The following SETBP1 variants were observed in gnomAD, a reference collection of about 807,000 sequenced individuals.
The protein encoded by SETBP1 is SET-binding protein.
A neutral mutation model predicts 101.0 loss-of-function variants in SETBP1; 9 were observed. The observed-to-expected ratio is 0.09, with a 90% CI of 0.05 to 0.16. The LOEUF (loss-of-function observed/expected upper bound fraction) is 0.16. Ranked by LOEUF, SETBP1 falls within the 10% of genes least tolerant of loss-of-function variation. The probability of loss-of-function intolerance (pLI) is 1.00; values close to 1 mark genes in which losing one functional copy is unlikely to be tolerated. For synonymous variants in SETBP1, 818 were observed against 788.5 expected (o/e 1.04, Z -0.63); for missense variants, 1,858 against 2,033.8 (o/e 0.91, Z 1.66).
intron 3 of SETBP1, among the ~76,000 whole-genome samples, chr18:44,908,080 AG>A (rs1171509864): frequency 1.4e-5 from 2 of 147,378 alleles, no homozygotes; most frequent in Non-Finnish European, 3.0e-5. Context: ...TTTTTTTTTG[AG>A]ACAGAGTCTT....
intron 2 of SETBP1, among the ~76,000 whole-genome samples, chr18:44,842,630 C>T (rs1245777593): frequency 1.3e-5 from 2 of 152,178 alleles, no homozygotes; most frequent in Admixed American, 1.3e-4. Flanking sequence ...GCATGGTCTA[C>T]AGATTCGCAA....
chr18:44,711,687 A>G (rs370202039), intron 2 of SETBP1, among the ~76,000 whole-genome samples: 3 of 144,948 alleles, frequency 2.1e-5, no homozygotes, highest in African/African-American at 5.2e-5. Flanking sequence ...CACCACATCT[A>G]GCTGATTTAT....
chr18:44,829,019 T>C (rs549919919), intron 2 of SETBP1, among the ~76,000 whole-genome samples: 6 of 152,364 alleles, frequency 3.9e-5, no homozygotes, highest in Non-Finnish European at 7.3e-5. Flanking sequence ...AAGTAGCTCA[T>C]GCTAAGACAA....
At chr18:44,704,197 T>TGTAC (rs1220726419) in intron 2 of SETBP1, among the ~76,000 whole-genome samples, 1 of 152,216 alleles carries the variant, frequency 6.6e-6, no homozygotes, top group Non-Finnish European at 1.5e-5. Context: ...CGGGATGATT[T>TGTAC]CAAAGCTGAA....
chr18:45,008,448 G>A (rs2145365563), intron 4 of SETBP1, among the ~76,000 whole-genome samples: 1 of 152,270 alleles, frequency 6.6e-6, no homozygotes, highest in East Asian at 1.9e-4. Flanking sequence ...CCAAGAATAA[G>A]GGCCCAGGGT....
chr18:45,032,997 A>T (rs2073327697), intron 4 of SETBP1, among the ~76,000 whole-genome samples: 2 of 152,156 alleles, frequency 1.3e-5, no homozygotes, highest in Admixed American at 6.6e-5. Flanking sequence ...TAAAAATAAA[A>T]TTTTTATTGA....
chr18:44,923,108 T>C (rs951873329), intron 3 of SETBP1, among the ~76,000 whole-genome samples: 2 of 152,200 alleles, frequency 1.3e-5, no homozygotes, highest in Admixed American at 1.3e-4. Context: ...ATCTCTAGAA[T>C]AGCAGTACTG....
intron 2 of SETBP1, among the ~76,000 whole-genome samples, chr18:44,705,939 T>A (rs1449139602): frequency 6.6e-6 from 1 of 152,152 alleles, no homozygotes; most frequent in Non-Finnish European, 1.5e-5. Context: ...CTAACCAGGA[T>A]AGAAGTCTCT....
chr18:44,843,297 T>A (rs1377098341), intron 2 of SETBP1, among the ~76,000 whole-genome samples: 1 of 152,192 alleles, frequency 6.6e-6, no homozygotes, highest in East Asian at 1.9e-4. Flanking sequence ...ACTCAGTGTT[T>A]TACCAAAATT....
At chr18:44,865,240 G>A (rs1227244253) in intron 2 of SETBP1, among the ~76,000 whole-genome samples, 1 of 152,174 alleles carries the variant, frequency 6.6e-6, no homozygotes, top group Admixed American at 6.5e-5. Flanking sequence ...ACTTAGTCTG[G>A]AGTTTTAAGG....
chr18:44,865,877 C>T (rs551446922), intron 2 of SETBP1, among the ~76,000 whole-genome samples: 11 of 152,288 alleles, frequency 7.2e-5, no homozygotes, highest in African/African-American at 2.6e-4. Context: ...CAGATAACAC[C>T]TTCAATGCAT....
intron 2 of SETBP1, among the ~76,000 whole-genome samples, chr18:44,842,725 G>GGAAGCT (rs1161797281): frequency 2.0e-5 from 3 of 152,242 alleles, no homozygotes; most frequent in Non-Finnish European, 4.4e-5. Flanking sequence ...GTGTGTGGGA[G>GGAAGCT]GAAGCTGAAA....
chr18:45,020,293 A>AAAAAAAAAAAAAG (rs1568032212), intron 4 of SETBP1, among the ~76,000 whole-genome samples: 14 of 133,984 alleles, frequency 1.0e-4, no homozygotes, highest in African/African-American at 3.8e-4. Flanking sequence ...AAAAAAAAAA[A>AAAAAAAAAAAAAG]AAGTGGCTTC....
intron 3 of SETBP1, among the ~76,000 whole-genome samples, chr18:44,926,070 A>G (rs1465838753): frequency 2.0e-5 from 3 of 152,124 alleles, no homozygotes; most frequent in Non-Finnish European, 4.4e-5. Context: ...CATTTTATTT[A>G]TTTTTATTTG....
At chr18:44,775,752 A>G (rs1017709128) in intron 2 of SETBP1, among the ~76,000 whole-genome samples, 1 of 150,752 alleles carries the variant, frequency 6.6e-6, no homozygotes, top group African/African-American at 2.4e-5. Context: ...ACAGTGAGTC[A>G]TAGAGACTGG....
In SETBP1 at chr18:44,734,527, T is replaced by C. The variant is rs115477499; in HGVS notation, c.486+32695T>C. Among the ~76,000 whole-genome samples the C allele has an allele frequency of 4.6e-3, 699 of 152,328 alleles. 5 individuals carry two copies. The highest frequency in any genetic ancestry group is 0.016 in the African/African-American group (654 of 41,574). ...GAAATGTTATTTAAAGACTTATCTC[T>C]TACCAGTTTCTGACTTCCGTGAATT... On this transcript the variant is annotated intron_variant, in intron 2 of 5. Transcript: ENST00000649279.
chr18:44,952,638 C>T lies in SETBP1; in HGVS notation c.3298C>T (p.His1100Tyr). The change falls in exon 4 of 6, where the codon CAC becomes TAC. Residue 1100 changes from histidine to tyrosine, a missense_variant. By Grantham distance (83) the His-to-Tyr change is moderately conservative. Transcript: ENST00000649279. ...VPPPQFHTNS[H>Y]VKMSGAAKHK... ...ACCACCTCAGTTCCACACAAACTCC[C>T]ACGTAAAGATGTCCGGTGCAGCTAA... 1.2e-6 allele frequency: 2 copies of T among 1,613,940 alleles called. No homozygotes were observed. The highest frequency in any genetic ancestry group is 2.2e-5 in the South Asian group (2 of 91,080).
At chr18:44,809,825 A>C (rs1467847737) in intron 2 of SETBP1, among the ~76,000 whole-genome samples, 1 of 152,208 alleles carries the variant, frequency 6.6e-6, no homozygotes, top group African/African-American at 2.4e-5. Context: ...GTGGACAATA[A>C]GAGGTTAGGA....
chr18:44,997,894 C>G (rs1162819535), intron 4 of SETBP1, among the ~76,000 whole-genome samples: 2 of 152,216 alleles, frequency 1.3e-5, no homozygotes. Flanking sequence ...TGCGTAGGAA[C>G]TTCTTGTAAT....
Sources: allele counts gnomAD v4.1 joint callset (sites outside exome capture counted in the v4.1 genomes callset), GRCh38; gene constraint gnomAD v4.1.1; transcripts MANE v1.5; gene names NCBI Gene and HGNC (gene_info 2026-07-23, HGNC 2026-07-21).